Variants in DNAH7 observed in about 807,000 individuals in gnomAD.
The protein encoded by DNAH7 is dynein axonemal heavy chain 7.
In DNAH7, 397 loss-of-function variants were observed where a neutral mutation model predicts 444.6. The ratio of observed to expected loss-of-function variants is 0.89; its 90% CI spans 0.82 to 0.97. The LOEUF (loss-of-function observed/expected upper bound fraction) is 0.97, where lower values mean the gene tolerates loss of function less well. Among genes scored for constraint, DNAH7 ranks in the 50% least tolerant of loss-of-function variants. The probability of loss-of-function intolerance (pLI) is 0.00; values close to 1 mark genes in which losing one functional copy is unlikely to be tolerated. For synonymous variants in DNAH7, 1,636 were observed against 1,624.4 expected (o/e 1.01, Z -0.17); for missense variants, 4,902 against 4,800.8 (o/e 1.02, Z -0.62).
intron 1 of DNAH7, among the ~76,000 whole-genome samples, chr2:196,064,337 A>AAAT (rs144226144): frequency 6.3e-5 from 4 of 63,960 alleles, no homozygotes; most frequent in Admixed American, 1.8e-4. Flanking sequence ...ATAAATAAAT[A>AAAT]AATAAATAAA....
chr2:196,023,596 G>A (rs906932483), intron 8 of DNAH7, among the ~76,000 whole-genome samples: 1 of 152,152 alleles, frequency 6.6e-6, no homozygotes, highest in African/African-American at 2.4e-5. Context: ...ATTAGGCTCT[G>A]GCTTAAGGAA....
chr2:195,897,736 A>T lies in DNAH7; in HGVS notation c.4578T>A (p.Ile1526=), dbSNP rs1239229380. 1.9e-6 allele frequency: 3 copies of T among 1,592,102 alleles called. No individual in the cohort carries two copies. The highest frequency in any genetic ancestry group is 2.6e-6 in the Non-Finnish European group (3 of 1,169,708). Residue 1526 remains isoleucine, a synonymous_variant, in exon 29 of 65, where the codon ATT becomes ATA. Transcript: ENST00000312428. ...KLKYPNENEE[I]LLLRSIIDVN... ...CATCAATGATAGATCTAAGCAGCAA[A>T]ATTTCTTCATTTTCATTTGGATATT...
chr2:195,899,536 A>G (rs1686564219), intron 28 of DNAH7, among the ~76,000 whole-genome samples: 1 of 152,216 alleles, frequency 6.6e-6, no homozygotes, highest in Admixed American at 6.5e-5. Flanking sequence ...GCTAATGTGA[A>G]ATAGAATATC....
At chr2:195,863,943 T>C (rs1023211093) in intron 41 of DNAH7, among the ~76,000 whole-genome samples, 2 of 152,208 alleles carry the variant, frequency 1.3e-5, no homozygotes, top group African/African-American at 2.4e-5. Context: ...CTATAATATA[T>C]TGAAGTTAGT....
chr2:195,914,020 C>T (rs774342160), intron 24 of DNAH7, among the ~76,000 whole-genome samples: 1 of 152,124 alleles, frequency 6.6e-6, no homozygotes. Flanking sequence ...AGTCGCAGAT[C>T]TTTTATTAAC....
At chr2:195,873,403 C>T (rs558107626) in intron 39 of DNAH7, among the ~76,000 whole-genome samples, 165 bp downstream of exon 39, 1 of 152,262 alleles carries the variant, frequency 6.6e-6, no homozygotes, top group Admixed American at 6.5e-5. Flanking sequence ...TTGTGTTATG[C>T]TCCCACACTG....
chr2:196,021,419 A>G lies in DNAH7; in HGVS notation c.744-2124T>C, dbSNP rs148927662. 8.4e-4 allele frequency among the ~76,000 whole-genome samples: 128 copies of G among 152,316 alleles called. 1 individual carries two copies. In the East Asian group the frequency reaches 0.022, roughly 27 times the overall value. On this transcript the variant is annotated intron_variant, in intron 8 of 64. Coordinates refer to ENST00000312428, the MANE Select transcript of DNAH7 (RefSeq NM_018897.3). ...TCAAGACCACCCCCATAAGGCAAAT[A>G]TTGCAATTAAGCACGTCACACAAAT... is the stretch of plus-strand genomic sequence containing the variant.
intron 61 of DNAH7, among the ~76,000 whole-genome samples, chr2:195,769,850 C>T (rs1027739874): frequency 7.9e-5 from 12 of 152,058 alleles, no homozygotes; most frequent in Admixed American, 2.0e-4. Context: ...ATATAATCAA[C>T]GTGATACAGA....
At chr2:196,046,262 G>C (rs1697118832) in intron 5 of DNAH7, among the ~76,000 whole-genome samples, 1 of 152,150 alleles carries the variant, frequency 6.6e-6, no homozygotes, top group Non-Finnish European at 1.5e-5. Flanking sequence ...GCCCATATGG[G>C]GAAGAAGATG....
chr2:195,886,065 A>T, intron 34 of DNAH7, 76 bp downstream of exon 34: 1 of 1,470,488 alleles, frequency 6.8e-7, no homozygotes, highest in South Asian at 1.5e-5. Context: ...AATGAGTTTC[A>T]CAAATTAGGA....
chr2:195,792,077 T>C (rs1045235562), intron 57 of DNAH7, among the ~76,000 whole-genome samples: 15 of 138,828 alleles, frequency 1.1e-4, no homozygotes, highest in African/African-American at 4.1e-4. Context: ...TGAGGTGGGA[T>C]AATCGTTTGA....
In DNAH7 at chr2:195,824,449, G is replaced by C; in HGVS notation, c.9101-4C>G. ...TCGCCAACATTTTCTAGCAACACTG[G>C]AGTAAAATCAGAAAAGATTTCATGT... On this transcript the variant is annotated splice_polypyrimidine_tract_variant and splice_region_variant and intron_variant, in intron 48 of 64. Coordinates refer to ENST00000312428, the MANE Select transcript of DNAH7 (RefSeq NM_018897.3). The C allele has an allele frequency of 6.3e-7, 1 of 1,589,146 alleles. No homozygotes were observed. Among genetic ancestry groups the C allele is most frequent in the Non-Finnish European group, 8.5e-7 (1 of 1,170,126 alleles).
chr2:196,006,049 C>T (rs1220257510), intron 10 of DNAH7, among the ~76,000 whole-genome samples: 2 of 152,154 alleles, frequency 1.3e-5, no homozygotes, highest in African/African-American at 4.8e-5. Flanking sequence ...TGTGATGGCT[C>T]ATGCCTGTAA....
intron 37 of DNAH7, 109 bp downstream of exon 37, chr2:195,876,435 C>G: frequency 9.1e-7 from 1 of 1,095,110 alleles, no homozygotes; most frequent in Non-Finnish European, 1.3e-6. Flanking sequence ...AAATTTGTGA[C>G]ATTAAAAAAC....
intron 17 of DNAH7, 100 bp downstream of exon 17, chr2:195,969,846 ACT>A: frequency 8.7e-7 from 1 of 1,145,650 alleles, no homozygotes; most frequent in Non-Finnish European, 1.2e-6. Context: ...AAATGTGGTT[ACT>A]GTTTTATTTG....
intron 64 of DNAH7, among the ~76,000 whole-genome samples, chr2:195,739,766 G>T (rs913287698): frequency 1.3e-5 from 2 of 152,146 alleles, no homozygotes; most frequent in African/African-American, 4.8e-5. Flanking sequence ...CACGCTCCTT[G>T]GTGGACATTT....
chr2:195,782,934 A>T (rs1021388277), intron 58 of DNAH7, among the ~76,000 whole-genome samples: 13 of 152,314 alleles, frequency 8.5e-5, no homozygotes, highest in African/African-American at 3.1e-4. Flanking sequence ...GGCTTCTCCT[A>T]ACACTTGAAT....
chr2:195,987,957 C>A lies in DNAH7; in HGVS notation c.1626G>T (p.Lys542Asn). 2 of 1,594,260 alleles carry A rather than the reference C, an allele frequency of 1.3e-6. No homozygotes were observed. The highest frequency in any genetic ancestry group is 1.1e-5 in the South Asian group (1 of 87,968). Residue 542 changes from lysine (K) to asparagine (N), a missense_variant and splice_region_variant, in exon 13 of 65, where the codon AAG becomes AAT. Lys to Asn is a moderately conservative substitution (Grantham distance 94, BLOSUM62 0). Transcript: ENST00000312428. ...GTTGCACAAAACTGGAGTCATTTAC[C>A]TTTATGGATGTGTACTGTATTTCCT... ...LIEEIQYTSIKTIRLGMFEMH... is the reference protein window; with the variant it reads ...LIEEIQYTSINTIRLGMFEMH...
At chr2:195,755,952 G>A (rs1694049771) in intron 62 of DNAH7, among the ~76,000 whole-genome samples, 181 bp downstream of exon 62, 1 of 152,132 alleles carries the variant, frequency 6.6e-6, no homozygotes, top group African/African-American at 2.4e-5. Context: ...TTCATTTAGT[G>A]CTAGCTTTTT....
Sources: gnomAD v4.1 joint callset for allele counts (sites outside exome capture counted in the v4.1 genomes callset) on GRCh38, gnomAD v4.1.1 for gene constraint, MANE v1.5 for transcripts, NCBI Gene and HGNC (gene_info 2026-07-23, HGNC 2026-07-21) for gene names.